Variants in AK7 observed in about 807,000 individuals in gnomAD.
AK7 encodes the protein ATP-AMP transphosphorylase 7.
A neutral mutation model predicts 96.6 loss-of-function variants in AK7; 78 were observed. That is an observed-to-expected ratio of 0.81 (90% CI 0.67 to 0.97). The LOEUF is 0.97. Among genes scored for constraint, AK7 ranks in the 50% least tolerant of loss-of-function variants. The pLI, the probability that AK7 is intolerant of heterozygous loss-of-function variation, is 0.00. For missense variants in AK7, 855 were observed against 887.9 expected (o/e 0.96, Z 0.47); for synonymous variants, 302 against 317.2 (o/e 0.95, Z 0.51).
chr14:96,433,774 G>A (rs1892488420), intron 5 of AK7, among the ~76,000 whole-genome samples: 2 of 152,062 alleles, frequency 1.3e-5, no homozygotes, highest in South Asian at 4.1e-4. Context: ...TCCTCTGACT[G>A]TATTTTTTAA....
intron 8 of AK7, among the ~76,000 whole-genome samples, chr14:96,449,474 C>T (rs1482253112): frequency 6.6e-6 from 1 of 152,214 alleles, no homozygotes; most frequent in African/African-American, 2.4e-5. Context: ...CGCTCTATCG[C>T]CCAGGCTGGA....
chr14:96,479,896 C>G (rs770579736), intron 15 of AK7, among the ~76,000 whole-genome samples: 2 of 147,270 alleles, frequency 1.4e-5, no homozygotes, highest in Non-Finnish European at 3.0e-5. Flanking sequence ...AGCATTTGAG[C>G]CCTGGAGTAT....
intron 10 of AK7, among the ~76,000 whole-genome samples, chr14:96,453,290 C>G (rs1222000316): frequency 6.6e-6 from 1 of 152,106 alleles, no homozygotes; most frequent in East Asian, 1.9e-4. Flanking sequence ...ACTGTAACAA[C>G]AACACACAGA....
In AK7 at chr14:96,424,348, G is replaced by A. The variant is rs1247585315; in HGVS notation, c.609+3416G>A. On this transcript the variant is annotated intron_variant, in intron 5 of 17. Coordinates refer to ENST00000267584, the MANE Select transcript of AK7 (RefSeq NM_152327.5). ...CTGTGTTCTCAGTATTTTACTCATG[G>A]TATCTTATGTCATCTGTGTTTTACT... 6 of 334,646 alleles carry A rather than the reference G, an allele frequency of 1.8e-5. No individual in the cohort carries two copies. In the South Asian group the frequency reaches 2.0e-4, roughly 11 times the overall value. The allele number at this position is 334,646 out of a possible 1,614,324, so 20.7% of individuals were successfully genotyped here. A position where few individuals can be genotyped will look rare whatever the true frequency, so the allele number is the denominator to read the frequency against.
intron 7 of AK7, 100 bp from the exon 8 acceptor site, chr14:96,446,417 A>C (rs1595424514): frequency 1.0e-6 from 1 of 968,632 alleles, no homozygotes; most frequent in Non-Finnish European, 1.7e-6. Flanking sequence ...AAAGCACCAA[A>C]CCCCACGCCC....
At chr14:96,472,531 ATGT>A (rs1894955505) in intron 13 of AK7, among the ~76,000 whole-genome samples, 153 bp from the exon 14 acceptor site, 1 of 152,194 alleles carries the variant, frequency 6.6e-6, no homozygotes, top group African/African-American at 2.4e-5. Context: ...GCATCTATCA[ATGT>A]ACATTTAGTT....
At chr14:96,453,169 A>G (rs1566794361) in intron 10 of AK7, among the ~76,000 whole-genome samples, 1 of 152,190 alleles carries the variant, frequency 6.6e-6, no homozygotes. Flanking sequence ...AGCAAAAGAA[A>G]TAATGATCTC....
chr14:96,458,252 AC>A lies in AK7; in HGVS notation c.1357+41del. ...GCAGAGAGCCACGCTGCTCTTGTGA[AC>A]AGTGGCTATTTTTAAAAATCTGGTT... On this transcript the variant is annotated intron_variant, in intron 12 of 17. Transcript: ENST00000267584. 3 of 1,586,700 alleles carry A rather than the reference AC, an allele frequency of 1.9e-6. No homozygotes were observed. The East Asian group carries it at 6.7e-5, about 36-fold the overall frequency.
At chr14:96,404,150 T>TAAAAAAAAAA (rs34091316) in intron 2 of AK7, among the ~76,000 whole-genome samples, 1 of 99,772 alleles carries the variant, frequency 1.0e-5, no homozygotes. Flanking sequence ...TGTCTCAAAT[T>TAAAAAAAAAA]AAAAAAAAAA....
intron 5 of AK7, among the ~76,000 whole-genome samples, chr14:96,427,504 C>A (rs1034319081): frequency 1.3e-5 from 2 of 152,198 alleles, no homozygotes; most frequent in African/African-American, 4.8e-5. Context: ...GCTCCATGAG[C>A]CAATCACTTC....
chr14:96,480,194 G>A lies in AK7; in HGVS notation c.1753+1532G>A, dbSNP rs181660097. Among the ~76,000 whole-genome samples the A allele has an allele frequency of 9.8e-5, 15 of 152,300 alleles. No homozygotes were observed. The East Asian group carries it at 1.7e-3, about 18-fold the overall frequency. On this transcript the variant is annotated intron_variant, in intron 15 of 17. Coordinates refer to ENST00000267584, the MANE Select transcript of AK7 (RefSeq NM_152327.5). ...CGCCTGTAATCCCTACACATTGGAA[G>A]ACCAAGGTGGGTGGATCATCTGAGG... is the stretch of plus-strand genomic sequence containing the variant.
intron 15 of AK7, among the ~76,000 whole-genome samples, chr14:96,479,442 C>T (rs1225185441): frequency 6.6e-6 from 1 of 151,632 alleles, no homozygotes; most frequent in Non-Finnish European, 1.5e-5. Context: ...GGGCCATTCC[C>T]CCAGGTTCCT....
At chr14:96,460,227 A>G (rs528850551) in intron 12 of AK7, among the ~76,000 whole-genome samples, 1 of 152,352 alleles carries the variant, frequency 6.6e-6, no homozygotes, top group African/African-American at 2.4e-5. Flanking sequence ...AGCAGTTATT[A>G]GAAAAATAAA....
At chr14:96,433,843 G>A (rs1595408000) in intron 5 of AK7, among the ~76,000 whole-genome samples, 3 of 152,078 alleles carry the variant, frequency 2.0e-5, no homozygotes, top group African/African-American at 7.2e-5. Flanking sequence ...AAAGGACTCT[G>A]ATTCATTCTT....
At chr14:96,424,091 G>T in intron 5 of AK7, 1 of 684,606 alleles carries the variant, frequency 1.5e-6, no homozygotes, top group South Asian at 1.4e-5. Flanking sequence ...ACCTGGGTGG[G>T]ATCGGGCACG....
intron 12 of AK7, among the ~76,000 whole-genome samples, chr14:96,462,221 C>T (rs936065452): frequency 6.6e-6 from 1 of 151,800 alleles, no homozygotes; most frequent in African/African-American, 2.4e-5. Context: ...GAACAGCCAG[C>T]GTCCCTCAAA....
chr14:96,431,414 T>C (rs1036319722), intron 5 of AK7, among the ~76,000 whole-genome samples: 10 of 152,346 alleles, frequency 6.6e-5, no homozygotes, highest in African/African-American at 2.4e-4. Context: ...TAAATTTCCC[T>C]CTACACACTG....
intron 4 of AK7, among the ~76,000 whole-genome samples, chr14:96,420,357 T>C (rs1347891637): frequency 2.0e-5 from 3 of 151,130 alleles, no homozygotes; most frequent in African/African-American, 7.3e-5. Context: ...TAGCCAGGTG[T>C]GGTGGCACGC....
rs1893246287 is a variant in AK7, at chr14:96,446,594, A to G, written c.857A>G (p.Glu286Gly). 6.2e-7 allele frequency: 1 copy of G among 1,613,912 alleles called. No individual in the cohort carries two copies. The highest frequency in any genetic ancestry group is 8.5e-7 in the Non-Finnish European group (1 of 1,179,916). ...VAVDESVHTL[E>G]DIVKCISKNT... ...GTGGATGAGTCTGTTCATACCCTGGAAGACATAGTCAAGGTACAGTGGTTT... is the reference window on the plus strand; with the variant it reads ...GTGGATGAGTCTGTTCATACCCTGGGAGACATAGTCAAGGTACAGTGGTTT... Residue 286 changes from glutamate to glycine, a missense_variant, in exon 8 of 18, where the codon GAA (glutamate) becomes GGA (glycine). Glu to Gly is a moderately conservative substitution (Grantham distance 98). Transcript: ENST00000267584.
Sources: allele counts gnomAD v4.1 joint callset (sites outside exome capture counted in the v4.1 genomes callset), GRCh38; gene constraint gnomAD v4.1.1; transcripts MANE v1.5; gene names NCBI Gene and HGNC (gene_info 2026-07-23, HGNC 2026-07-21).